Variants in ATG2B observed in about 807,000 individuals in gnomAD.
ATG2B encodes the protein autophagy related 2B.
Under a neutral mutation model 241.3 loss-of-function variants are expected in ATG2B, and 121 were observed. That is an observed-to-expected ratio of 0.50 (90% CI 0.43 to 0.58). The LOEUF (loss-of-function observed/expected upper bound fraction) is 0.58, where lower values mean the gene tolerates loss of function less well. Ranked by LOEUF, ATG2B falls within the 20% of genes least tolerant of loss-of-function variation. The probability of loss-of-function intolerance (pLI) is 0.00; values close to 1 mark genes in which losing one functional copy is unlikely to be tolerated. For missense variants in ATG2B, 2,306 were observed against 2,491.6 expected, an observed-to-expected ratio of 0.93 and a Z score of 1.59; for synonymous variants, 858 against 876.6, an observed-to-expected ratio of 0.98 and a Z score of 0.37.
At chr14:96,333,582 TTTG>T in intron 8 of ATG2B, 103 bp downstream of exon 8, 1 of 1,042,222 alleles carries the variant, frequency 9.6e-7, no homozygotes, top group Non-Finnish European at 1.4e-6. Flanking sequence ...TGTGGATCTT[TTTG>T]TTCTTTCATT....
intron 4 of ATG2B, among the ~76,000 whole-genome samples, 193 bp downstream of exon 4, chr14:96,344,461 C>T (rs981932460): frequency 6.6e-6 from 1 of 152,190 alleles, no homozygotes. Flanking sequence ...TATAATTATA[C>T]CCCAACTGGC....
At chr14:96,299,561 C>T (rs2040345194) in intron 34 of ATG2B, among the ~76,000 whole-genome samples, 1 of 152,178 alleles carries the variant, frequency 6.6e-6, no homozygotes, top group African/African-American at 2.4e-5. Flanking sequence ...GAGTTCCAGG[C>T]AGTACAAAAC....
At chr14:96,305,885 C>G in intron 30 of ATG2B, 70 bp from the exon 31 acceptor site, 1 of 1,184,616 alleles carries the variant, frequency 8.4e-7, no homozygotes, top group Non-Finnish European at 1.2e-6. Context: ...CTGCACATCT[C>G]AAGGGGCATT....
chr14:96,285,901 C>A lies in ATG2B; in HGVS notation c.6091G>T (p.Val2031Phe), dbSNP rs1433816047. 1 of 1,613,982 alleles carries A rather than the reference C, an allele frequency of 6.2e-7. No individual in the cohort carries two copies. The highest frequency in any genetic ancestry group is 1.3e-5 in the African/African-American group (1 of 74,920). Reference protein sequence around the residue: ...SRGVTGAVGEVLRQIPPAVVK... With the variant: ...SRGVTGAVGEFLRQIPPAVVK... ...ACTGCCGGAGGAATCTGGCGCAGAA[C>A]CTCGCCCACGGCACCAGTCACCCCT... Residue 2031 changes from valine to phenylalanine, a missense_variant, in exon 42 of 42, where the codon GTT (valine) becomes TTT (phenylalanine). Coordinates refer to ENST00000359933, the MANE Select transcript of ATG2B (RefSeq NM_018036.7). The surrounding 1 kb of genome is among the most constrained non-coding windows in gnomAD (Gnocchi z 4.2).
intron 1 of ATG2B, among the ~76,000 whole-genome samples, chr14:96,352,711 T>C (rs1043121075): frequency 1.3e-5 from 2 of 152,162 alleles, no homozygotes; most frequent in African/African-American, 4.8e-5. Context: ...TTAAGCTAAA[T>C]GTTATTACAA....
At chr14:96,336,079 A>C (rs1379540814) in intron 6 of ATG2B, among the ~76,000 whole-genome samples, 1 of 152,108 alleles carries the variant, frequency 6.6e-6, no homozygotes, top group Non-Finnish European at 1.5e-5. Context: ...ATGCATTCCT[A>C]AAAACATAGG....
At chr14:96,345,101 G>T in intron 3 of ATG2B, 132 bp downstream of exon 3, 1 of 648,926 alleles carries the variant, frequency 1.5e-6, no homozygotes, top group Non-Finnish European at 2.5e-6. Flanking sequence ...CAATTCTAAA[G>T]TTCTGAAGTG....
At position 96,290,417 on chromosome 14, in the gene ATG2B, A is replaced by G; in HGVS notation, c.5856+19T>C. 1 of 1,613,320 alleles carries G rather than the reference A, an allele frequency of 6.2e-7. No individual in the cohort carries two copies. Among genetic ancestry groups the G allele is most frequent in the Non-Finnish European group, 8.5e-7 (1 of 1,179,462 alleles). On this transcript the variant is annotated intron_variant, in intron 40 of 41. Coordinates refer to ENST00000359933, the MANE Select transcript of ATG2B (RefSeq NM_018036.7). The surrounding 1 kb of genome is among the most constrained non-coding windows in gnomAD (Gnocchi z 4.4). ...ACAATGGCTCTTTTTGGATAGACTA[A>G]GGCAGTCTAAAAAGATACCTGTATG...
At chr14:96,335,946 T>C (rs1887858004) in intron 6 of ATG2B, among the ~76,000 whole-genome samples, 1 of 152,190 alleles carries the variant, frequency 6.6e-6, no homozygotes, top group African/African-American at 2.4e-5. Flanking sequence ...ACAAAGTACT[T>C]ACTACTTTCT....
In ATG2B at chr14:96,303,581, A is replaced by G. The variant is rs143106466; in HGVS notation, c.4843-326T>C. ...TTTATTTTAGTATAGTGTTATAATT[A>G]TTCTATTTTATTATTCATTATTGTT... On this transcript the variant is annotated intron_variant, in intron 32 of 41. Transcript: ENST00000359933. 4.3e-3 allele frequency among the ~76,000 whole-genome samples: 652 copies of G among 152,252 alleles called. 26 individuals carry two copies. The South Asian group carries it at 0.067, about 16-fold the overall frequency.
At chr14:96,288,807 GAA>G (rs71103509) in intron 41 of ATG2B, among the ~76,000 whole-genome samples, 1 of 126,030 alleles carries the variant, frequency 7.9e-6, no homozygotes, top group African/African-American at 3.1e-5. Flanking sequence ...ACAACACCCA[GAA>G]AAAAAAAAAA....
chr14:96,343,964 A>C (rs1403620015), intron 4 of ATG2B, among the ~76,000 whole-genome samples: 1 of 152,220 alleles, frequency 6.6e-6, no homozygotes, highest in Admixed American at 6.5e-5. Context: ...TCCATGTACG[A>C]AGTGTCTCTG....
chr14:96,339,464 CACATAT>C (rs1260479653), intron 6 of ATG2B, among the ~76,000 whole-genome samples: 2 of 151,596 alleles, frequency 1.3e-5, no homozygotes, highest in Non-Finnish European at 2.9e-5. Context: ...ACACCACATA[CACATAT>C]ACACCACATA....
chr14:96,333,297 A>G (rs1471254377), intron 8 of ATG2B, among the ~76,000 whole-genome samples: 1 of 152,304 alleles, frequency 6.6e-6, no homozygotes, highest in East Asian at 1.9e-4. Flanking sequence ...TCAATAAAGG[A>G]AAGTTTCCTT....
intron 1 of ATG2B, among the ~76,000 whole-genome samples, chr14:96,353,659 T>TAA (rs71103514): frequency 0.32 from 48,168 of 148,742 alleles, 8,836 homozygotes; most frequent in Non-Finnish European, 0.42. Flanking sequence ...TATATATATA[T>TAA]AAATCATTAA....
At chr14:96,296,076 C>T (rs1159702885) in intron 34 of ATG2B, among the ~76,000 whole-genome samples, 1 of 152,186 alleles carries the variant, frequency 6.6e-6, no homozygotes, top group African/African-American at 2.4e-5. Context: ...GCCTCAGCCT[C>T]CCAAGTGGCT....
At chr14:96,311,096 G>C in intron 28 of ATG2B, 21 bp downstream of exon 28, 1 of 1,587,636 alleles carries the variant, frequency 6.3e-7, no homozygotes, top group Non-Finnish European at 8.6e-7. Flanking sequence ...GGGACTGGAG[G>C]AATCACATTG....
At chr14:96,327,999 G>A (rs1194791630) in intron 14 of ATG2B, among the ~76,000 whole-genome samples, 2 of 152,088 alleles carry the variant, frequency 1.3e-5, no homozygotes, top group African/African-American at 2.4e-5. Flanking sequence ...TGTATTTTTA[G>A]TAGAGACAGA....
Position 96,360,591 on chromosome 14 carries a change from T to C in ATG2B, c.162+2224A>G, listed in dbSNP as rs1457075788. Among the ~76,000 whole-genome samples, 3 of 152,344 alleles carry C rather than the reference T, an allele frequency of 2.0e-5. 1 individual carries two copies. Among genetic ancestry groups the C allele is most frequent in the South Asian group, 4.1e-4 (2 of 4,826 alleles). On this transcript the variant is annotated intron_variant, in intron 1 of 41. Coordinates refer to ENST00000359933, the MANE Select transcript of ATG2B (RefSeq NM_018036.7). ...AATTTTAAACCTAATTGTGTGTATA[T>C]ATGCAATGTCAATTAGCCATAATAG...
Sources: allele counts gnomAD v4.1 joint callset (sites outside exome capture counted in the v4.1 genomes callset), GRCh38; gene constraint gnomAD v4.1.1; non-coding constraint Gnocchi (gnomAD v3.1); transcripts MANE v1.5; gene names NCBI Gene and HGNC (gene_info 2026-07-23, HGNC 2026-07-21).